The following TNS3 variants were observed in gnomAD, a reference collection of about 807,000 sequenced individuals.
TNS3 encodes the protein tensin-3.
Under a neutral mutation model 140.9 loss-of-function variants are expected in TNS3, and 45 were observed. The observed-to-expected ratio is 0.32, with a 90% CI of 0.25 to 0.41. The LOEUF (loss-of-function observed/expected upper bound fraction) is 0.41. Ranked by LOEUF, TNS3 falls within the 10% of genes least tolerant of loss-of-function variation. TNS3 has a pLI of 1.00. For missense variants in TNS3, 1,716 were observed against 1,906.7 expected, an observed-to-expected ratio of 0.90 and a Z score of 1.86; for synonymous variants, 815 against 788.4, an observed-to-expected ratio of 1.03 and a Z score of -0.56.
intron 8 of TNS3, 147 bp from the exon 9 acceptor site, chr7:47,428,523 GA>G: frequency 1.9e-6 from 1 of 515,488 alleles, no homozygotes; most frequent in Admixed American, 4.3e-5. Flanking sequence ...TCCTGTCTGG[GA>G]AAGTCAGTAC....
At chr7:47,330,029 C>T (rs554915547) in intron 20 of TNS3, among the ~76,000 whole-genome samples, 1 of 152,294 alleles carries the variant, frequency 6.6e-6, no homozygotes, top group African/African-American at 2.4e-5. Flanking sequence ...GCTGCAGTGC[C>T]AGGGACTAAA....
chr7:47,494,394 A>T (rs1797923550), intron 3 of TNS3, among the ~76,000 whole-genome samples: 1 of 152,178 alleles, frequency 6.6e-6, no homozygotes, highest in Non-Finnish European at 1.5e-5. Flanking sequence ...AAGTAAAGAA[A>T]CCTCTGAAAA....
intron 17 of TNS3, among the ~76,000 whole-genome samples, chr7:47,348,646 A>G (rs1443560405): frequency 6.6e-6 from 1 of 152,236 alleles, no homozygotes; most frequent in Non-Finnish European, 1.5e-5. Context: ...CCCCATAAAT[A>G]TGTACAATTA....
chr7:47,410,107 G>A (rs1402944259), intron 13 of TNS3, among the ~76,000 whole-genome samples: 1 of 152,172 alleles, frequency 6.6e-6, no homozygotes, highest in Non-Finnish European at 1.5e-5. Flanking sequence ...CCAGGGTGAA[G>A]CCTCCTAGGA....
rs904775654 is a variant in TNS3, at chr7:47,435,133, G to A, written c.324+149C>T. 2.5e-5 allele frequency: 26 copies of A among 1,027,776 alleles called. No homozygotes were observed. In the East Asian group the frequency reaches 7.4e-4, roughly 29 times the overall value. The allele number at this position is 1,027,776 out of a possible 1,614,324, so 63.7% of individuals were successfully genotyped here. On this transcript the variant is annotated intron_variant, in intron 8 of 30. Transcript: ENST00000311160. ...GATAACTCTGTTTCCTTCTTTAAGAGCAAGTAGGAAAACCTAAAGACAAAC... is the reference window on the plus strand; with the variant it reads ...GATAACTCTGTTTCCTTCTTTAAGAACAAGTAGGAAAACCTAAAGACAAAC...
chr7:47,488,135 A>G (rs1797679652), intron 3 of TNS3, among the ~76,000 whole-genome samples: 1 of 152,236 alleles, frequency 6.6e-6, no homozygotes, highest in African/African-American at 2.4e-5. Flanking sequence ...TTACTGATCA[A>G]TAAACTAGCA....
At chr7:47,293,947 TC>T in intron 24 of TNS3, 119 bp from the exon 25 acceptor site, 2 of 884,938 alleles carry the variant, frequency 2.3e-6, no homozygotes, top group Non-Finnish European at 3.6e-6. Context: ...TGAATACGAG[TC>T]CAGTCACTGC....
intron 1 of TNS3, among the ~76,000 whole-genome samples, chr7:47,530,056 T>G (rs7795606): frequency 0.021 from 3,177 of 152,360 alleles, 112 homozygotes; most frequent in African/African-American, 0.071. Context: ...AATTCCATTC[T>G]TATTTACACT....
chr7:47,290,939 C>CT (rs1785660467), intron 27 of TNS3, among the ~76,000 whole-genome samples: 1 of 152,076 alleles, frequency 6.6e-6, no homozygotes, highest in African/African-American at 2.4e-5. Context: ...CCACAATGTC[C>CT]TTTAGTAGGT....
intron 2 of TNS3, among the ~76,000 whole-genome samples, chr7:47,525,688 G>A (rs182606097): frequency 1.4e-4 from 22 of 152,292 alleles, no homozygotes; most frequent in African/African-American, 2.6e-4. Context: ...TCACTCAGAC[G>A]CATGCACGCA....
intron 3 of TNS3, among the ~76,000 whole-genome samples, chr7:47,485,936 G>T (rs2960230): frequency 6.6e-6 from 1 of 152,090 alleles, no homozygotes; most frequent in African/African-American, 2.4e-5. Flanking sequence ...GTGGGTGAGC[G>T]TATGTGTGTG....
At chr7:47,470,596 C>G in intron 4 of TNS3, 1 of 985,440 alleles carries the variant, frequency 1.0e-6, no homozygotes. Context: ...GCCCACCTGT[C>G]ACTTTAGGAA....
intron 17 of TNS3, among the ~76,000 whole-genome samples, chr7:47,350,162 T>C (rs922638505): frequency 2.0e-5 from 3 of 152,176 alleles, no homozygotes; most frequent in African/African-American, 7.2e-5. Context: ...AGGGGCCCCA[T>C]GAGCCCTGGG....
At chr7:47,467,366 C>T (rs1020590009) in intron 4 of TNS3, among the ~76,000 whole-genome samples, 2 of 152,214 alleles carry the variant, frequency 1.3e-5, no homozygotes, top group African/African-American at 4.8e-5. Context: ...TCTTTCTCTA[C>T]GATTGAGTCT....
intron 3 of TNS3, among the ~76,000 whole-genome samples, chr7:47,489,122 A>T (rs1221116723): frequency 1.3e-5 from 2 of 152,192 alleles, no homozygotes; most frequent in Admixed American, 1.3e-4. Flanking sequence ...CTAAGCGTCA[A>T]AGCCCAATTT....
chr7:47,283,324 G>A (rs975622430), intron 28 of TNS3, among the ~76,000 whole-genome samples: 1 of 152,188 alleles, frequency 6.6e-6, no homozygotes, highest in African/African-American at 2.4e-5. Context: ...ATGACCCTCT[G>A]TTAAAACAAT....
intron 10 of TNS3, among the ~76,000 whole-genome samples, chr7:47,422,792 C>T (rs1794444585): frequency 6.6e-6 from 1 of 151,906 alleles, no homozygotes; most frequent in Non-Finnish European, 1.5e-5. Context: ...CTATTTACAC[C>T]TCATTTTCCA....
intron 4 of TNS3, among the ~76,000 whole-genome samples, chr7:47,444,685 T>G (rs1027982266): frequency 1.5e-5 from 2 of 132,544 alleles, no homozygotes; most frequent in African/African-American, 5.2e-5. Context: ...ACCCACGGGA[T>G]CTTCTCAATC....
At chr7:47,519,816 CTTT>C (rs34418629) in intron 2 of TNS3, among the ~76,000 whole-genome samples, 2 of 74,824 alleles carry the variant, frequency 2.7e-5, no homozygotes, top group Admixed American at 2.3e-4. Flanking sequence ...CCTCACATTT[CTTT>C]TTTTTTTTTT....
Sources: gnomAD v4.1 joint callset for allele counts (sites outside exome capture counted in the v4.1 genomes callset) on GRCh38, gnomAD v4.1.1 for gene constraint, MANE v1.5 for transcripts, NCBI Gene and HGNC (gene_info 2026-07-23, HGNC 2026-07-21) for gene names.